The following UIMC1 variants were observed in gnomAD, a reference collection of about 807,000 sequenced individuals.
The protein encoded by UIMC1 is ubiquitin interaction motif containing 1.
UIMC1 carries 42 observed loss-of-function variants against 84.9 expected under a neutral mutation model. The ratio of observed to expected loss-of-function variants is 0.49; its 90% confidence interval spans 0.39 to 0.64. The LOEUF (loss-of-function observed/expected upper bound fraction) is 0.64. Ranked by LOEUF, UIMC1 falls within the 30% of genes least tolerant of loss-of-function variation. The pLI, the probability that UIMC1 is intolerant of heterozygous loss-of-function variation, is 0.00. For missense variants in UIMC1, 825 were observed against 847.6 expected (o/e 0.97, Z 0.33); for synonymous variants, 281 against 293.0 (o/e 0.96, Z 0.42).
At chr5:176,911,189 C>G in intron 11 of UIMC1, 122 bp downstream of exon 11, 1 of 617,332 alleles carries the variant, frequency 1.6e-6, no homozygotes, top group South Asian at 3.7e-5. Flanking sequence ...ATTCAGGCAT[C>G]CAAGCAATGA....
upstream of UIMC1, among the ~76,000 whole-genome samples, chr5:177,008,375 A>G (rs1399375404): frequency 6.6e-6 from 1 of 152,114 alleles, no homozygotes; most frequent in Non-Finnish European, 1.5e-5. Context: ...GATCTCCCAC[A>G]GTATACTACA....
At chr5:177,002,159 G>A (rs989702702) in intron 1 of UIMC1, 5 of 151,654 alleles carry the variant, frequency 3.3e-5, no homozygotes, top group African/African-American at 1.2e-4. Flanking sequence ...GCTGGGCATA[G>A]TGGCGTGCAC....
At chr5:176,958,994 A>G (rs911369260) in intron 6 of UIMC1, among the ~76,000 whole-genome samples, 1 of 152,240 alleles carries the variant, frequency 6.6e-6, no homozygotes, top group Non-Finnish European at 1.5e-5. Context: ...TCCTAATAAG[A>G]TATGAATAAC....
intron 1 of UIMC1, among the ~76,000 whole-genome samples, chr5:177,019,647 G>T: frequency 6.9e-6 from 1 of 144,416 alleles, no homozygotes; most frequent in Non-Finnish European, 1.5e-5. Flanking sequence ...AAAAAAAATT[G>T]TAGGCTGGGT....
upstream of UIMC1, among the ~76,000 whole-genome samples, chr5:177,007,340 C>CAAAAAAA (rs56871601): frequency 2.6e-3 from 149 of 58,382 alleles, no homozygotes; most frequent in Non-Finnish European, 4.5e-3. Flanking sequence ...GACTCCGTCT[C>CAAAAAAA]AAAAAAAAAA....
At chr5:176,922,146 T>C (rs1761786996) in intron 10 of UIMC1, among the ~76,000 whole-genome samples, 1 of 151,524 alleles carries the variant, frequency 6.6e-6, no homozygotes, top group Admixed American at 6.6e-5. Context: ...TCCCCTCTTC[T>C]TGCCTTGTTT....
chr5:177,007,477 A>G (rs1226240837), upstream of UIMC1, among the ~76,000 whole-genome samples: 1 of 152,248 alleles, frequency 6.6e-6, no homozygotes, highest in Non-Finnish European at 1.5e-5. Flanking sequence ...TAAGTCTCGC[A>G]TAAATAAAAC....
rs1350253099 is a variant in UIMC1 at position 177,020,816 on chromosome 5, C to A, written c.-9+1648G>T. Among the ~76,000 whole-genome samples, 4 of 152,276 alleles carry A rather than the reference C, an allele frequency of 2.6e-5. No individual in the cohort carries two copies. In the South Asian group the frequency reaches 6.2e-4, roughly 24 times the overall value. ...CCCTGTCTTGTTCACCACTATATTT[C>A]CATGCTCAAAATATCATCTAGCTCA... On this transcript the variant is annotated intron_variant, in intron 1 of 5. Transcript: ENST00000509236.
In UIMC1 at chr5:176,911,861, C is replaced by T. The variant is rs114677257; in HGVS notation, c.1598-472G>A. ...GCAGTGAGAAAACTGTGGCTCAGAA[C>T]AGTTAATACAACCAGTCTTTCCTCA... On this transcript the variant is annotated intron_variant, in intron 10 of 14. Transcript: ENST00000511320. Among the ~76,000 whole-genome samples, 1,382 of 152,308 alleles carry T rather than the reference C, an allele frequency of 9.1e-3. 8 individuals are homozygous for T. Among genetic ancestry groups the T allele is most frequent in the South Asian group, 0.025 (120 of 4,826 alleles).
intron 10 of UIMC1, among the ~76,000 whole-genome samples, chr5:176,933,650 C>T (rs1241229597): frequency 6.6e-6 from 1 of 152,024 alleles, no homozygotes; most frequent in Non-Finnish European, 1.5e-5. Context: ...GATCTTCCCA[C>T]CTCAGCCTCC....
At chr5:176,916,637 C>A (rs1372161039) in intron 10 of UIMC1, among the ~76,000 whole-genome samples, 1 of 152,208 alleles carries the variant, frequency 6.6e-6, no homozygotes, top group African/African-American at 2.4e-5. Context: ...ATCCAGCCCA[C>A]AGAAAGCACT....
At chr5:176,905,592 T>C in intron 14 of UIMC1, 100 bp from the exon 15 acceptor site, 1 of 1,076,330 alleles carries the variant, frequency 9.3e-7, no homozygotes, top group South Asian at 1.6e-5. Context: ...AGGGGATTAT[T>C]AGTACAAATA....
chr5:176,951,018 T>A (rs916531817), intron 9 of UIMC1, among the ~76,000 whole-genome samples: 1 of 152,122 alleles, frequency 6.6e-6, no homozygotes, highest in East Asian at 1.9e-4. Context: ...CAGACAGCTA[T>A]CTTGACTTTG....
chr5:176,971,195 G>A (rs1466555154), intron 3 of UIMC1, among the ~76,000 whole-genome samples: 1 of 152,206 alleles, frequency 6.6e-6, no homozygotes, highest in Non-Finnish European at 1.5e-5. Flanking sequence ...TGAATAAACA[G>A]AGGAATTAAT....
chr5:176,919,514 C>T (rs1421228513), intron 10 of UIMC1, among the ~76,000 whole-genome samples: 1 of 152,176 alleles, frequency 6.6e-6, no homozygotes, highest in East Asian at 1.9e-4. Context: ...CCCTGACTCG[C>T]TGAGACAAGG....
rs923691947 is a variant in UIMC1, at chr5:176,976,308, C to T, written c.148-828G>A. 3.2e-4 allele frequency among the ~76,000 whole-genome samples: 48 copies of T among 152,024 alleles called. 1 individual carries two copies. The highest frequency in any genetic ancestry group is 1.1e-3 in the African/African-American group (47 of 41,462). On this transcript the variant is annotated intron_variant, in intron 2 of 14. Coordinates refer to ENST00000511320, the MANE Select transcript of UIMC1 (RefSeq NM_001199298.2). Reference sequence around the variant, plus strand: ...CCAGCCTGGGAGACAAAGCAACATCCTCATCTCTAAAAATAAATAAATAAA... The same window carrying T: ...CCAGCCTGGGAGACAAAGCAACATCTTCATCTCTAAAAATAAATAAATAAA...
chr5:176,971,992 A>T (rs1345144968), intron 3 of UIMC1, among the ~76,000 whole-genome samples: 5 of 152,242 alleles, frequency 3.3e-5, no homozygotes, highest in African/African-American at 1.2e-4. Context: ...CTGTTGAAGA[A>T]TGTCAGTGAA....
chr5:176,959,575 G>C (rs1192260494), intron 6 of UIMC1, among the ~76,000 whole-genome samples: 1 of 151,818 alleles, frequency 6.6e-6, no homozygotes, highest in Admixed American at 6.6e-5. Context: ...AATTAGCCGG[G>C]CGTAGTGGCA....
At chr5:177,019,317 T>C (rs1561944349) in intron 1 of UIMC1, among the ~76,000 whole-genome samples, 1 of 152,144 alleles carries the variant, frequency 6.6e-6, no homozygotes. Flanking sequence ...TTAAATGCTA[T>C]AATGTAGGTG....
Sources: allele counts gnomAD v4.1 joint callset (sites outside exome capture counted in the v4.1 genomes callset), GRCh38; gene constraint gnomAD v4.1.1; transcripts MANE v1.5; gene names NCBI Gene and HGNC (gene_info 2026-07-23, HGNC 2026-07-21).